GRID2: variants seen among roughly 807,000 people sequenced by gnomAD.
GRID2 encodes glutamate ionotropic receptor delta type subunit 2.
A neutral mutation model predicts 114.8 loss-of-function variants in GRID2; 33 were observed. The observed-to-expected ratio is 0.29, with a 90% CI of 0.22 to 0.38. GRID2 has a LOEUF of 0.38. Among genes scored for constraint, GRID2 ranks in the 10% least tolerant of loss-of-function variants. The pLI, the probability that GRID2 is intolerant of heterozygous loss-of-function variation, is 1.00. For missense variants in GRID2, 1,184 were observed against 1,257.7 expected, an observed-to-expected ratio of 0.94 and a Z score of 0.89; for synonymous variants, 505 against 449.9, an observed-to-expected ratio of 1.12 and a Z score of -1.55.
intron 2 of GRID2, among the ~76,000 whole-genome samples, chr4:92,808,160 G>T (rs1740504807): frequency 6.6e-6 from 1 of 151,924 alleles, no homozygotes; most frequent in South Asian, 2.1e-4. Flanking sequence ...AGGTATGCGG[G>T]TATCACTAGA....
chr4:92,507,275 G>A (rs1459798542), intron 1 of GRID2, among the ~76,000 whole-genome samples: 2 of 151,866 alleles, frequency 1.3e-5, no homozygotes, highest in Admixed American at 6.6e-5. Flanking sequence ...TGAAACTACA[G>A]AGCATATCAC....
At chr4:93,258,725 G>A (rs1749906555) in intron 8 of GRID2, among the ~76,000 whole-genome samples, 1 of 151,734 alleles carries the variant, frequency 6.6e-6, no homozygotes, top group African/African-American at 2.4e-5. Flanking sequence ...TTAAATGACA[G>A]CTTTTAAAAT....
At chr4:92,985,335 TGCCTCAGCCTCA>T (rs1233954196) in intron 2 of GRID2, among the ~76,000 whole-genome samples, 2 of 151,792 alleles carry the variant, frequency 1.3e-5, no homozygotes, top group Non-Finnish European at 2.9e-5. Flanking sequence ...GCCATTCTTC[TGCCTCAGCCTCA>T]GCTGAGGACT....
At chr4:92,828,709 G>A (rs1351445047) in intron 2 of GRID2, among the ~76,000 whole-genome samples, 1 of 151,730 alleles carries the variant, frequency 6.6e-6, no homozygotes, top group African/African-American at 2.4e-5. Context: ...TGTGATTTTG[G>A]TAATGTTAAT....
chr4:92,857,352 G>A (rs1744245841), intron 2 of GRID2, among the ~76,000 whole-genome samples: 1 of 152,198 alleles, frequency 6.6e-6, no homozygotes, highest in South Asian at 2.1e-4. Flanking sequence ...AGTTAGCAAA[G>A]TTGTGAATGT....
chr4:92,822,406 C>T, intron 2 of GRID2: 1 of 574,150 alleles, frequency 1.7e-6, no homozygotes, highest in Non-Finnish European at 3.4e-6. Context: ...GATTCCGTAC[C>T]TTGACCAGCT....
intron 4 of GRID2, among the ~76,000 whole-genome samples, chr4:93,123,213 A>T (rs539304337): frequency 6.6e-6 from 1 of 152,226 alleles, no homozygotes; most frequent in East Asian, 1.9e-4. Context: ...CTATTTAATA[A>T]TTTTTGACTG....
intron 4 of GRID2, among the ~76,000 whole-genome samples, chr4:93,152,934 A>G (rs1233448447): frequency 6.6e-6 from 1 of 152,124 alleles, no homozygotes; most frequent in African/African-American, 2.4e-5. Context: ...GTCCATGTTT[A>G]TCAGTGTTTA....
intron 1 of GRID2, among the ~76,000 whole-genome samples, chr4:92,423,758 A>T (rs1010602382): frequency 1.3e-5 from 2 of 152,100 alleles, no homozygotes; most frequent in Non-Finnish European, 2.9e-5. Context: ...GCAAGAGAGA[A>T]CCAGGGTAGT....
Position 93,564,509 on chromosome 4 carries a change from C to T in GRID2, c.2193+49098C>T, listed in dbSNP as rs535528348. On this transcript the variant is annotated intron_variant, in intron 13 of 15. Coordinates refer to ENST00000282020, the MANE Select transcript of GRID2 (RefSeq NM_001510.4). Reference sequence around the variant, plus strand: ...GTATGACATTTGGCAAGGTAATTGACAGTAGCACTGACTTTATTCTCTTAA... The same window carrying T: ...GTATGACATTTGGCAAGGTAATTGATAGTAGCACTGACTTTATTCTCTTAA... Among the ~76,000 whole-genome samples, 7 of 152,116 alleles carry T rather than the reference C, an allele frequency of 4.6e-5. No homozygotes were observed. The South Asian group carries it at 8.3e-4, about 18-fold the overall frequency.
intron 3 of GRID2, among the ~76,000 whole-genome samples, chr4:93,103,943 C>T (rs574530221): frequency 2.1e-5 from 3 of 141,810 alleles, no homozygotes; most frequent in African/African-American, 7.8e-5. Context: ...TCAGCTTTTA[C>T]TTTAGGTACA....
At chr4:92,898,259 A>G (rs1319873478) in intron 2 of GRID2, among the ~76,000 whole-genome samples, 1 of 152,164 alleles carries the variant, frequency 6.6e-6, no homozygotes, top group Non-Finnish European at 1.5e-5. Flanking sequence ...GAACATAAAC[A>G]TTTAGTCCCT....
At chr4:93,427,603 T>G (rs1343836410) in intron 10 of GRID2, among the ~76,000 whole-genome samples, 1 of 151,990 alleles carries the variant, frequency 6.6e-6, no homozygotes, top group Non-Finnish European at 1.5e-5. Flanking sequence ...ATTCATATGA[T>G]TATTCCACAG....
At chr4:92,316,753 A>G (rs2110118554) in intron 1 of GRID2, among the ~76,000 whole-genome samples, 1 of 152,294 alleles carries the variant, frequency 6.6e-6, no homozygotes, top group Admixed American at 6.5e-5. Context: ...TTTTTATAGT[A>G]GCCTAAAGGT....
At chr4:93,562,079 T>C (rs374792890) in intron 13 of GRID2, among the ~76,000 whole-genome samples, 1 of 152,106 alleles carries the variant, frequency 6.6e-6, no homozygotes, top group African/African-American at 2.4e-5. Context: ...GGTAACAATA[T>C]GTTTAGTAAG....
intron 13 of GRID2, among the ~76,000 whole-genome samples, chr4:93,587,727 A>C (rs578054849): frequency 1.5e-3 from 227 of 152,156 alleles, no homozygotes; most frequent in Non-Finnish European, 2.1e-3. Flanking sequence ...TGGTAAAGAA[A>C]ATTTATTATA....
At chr4:92,584,906 C>A (rs1728355745) in intron 1 of GRID2, among the ~76,000 whole-genome samples, 1 of 151,918 alleles carries the variant, frequency 6.6e-6, no homozygotes, top group Non-Finnish European at 1.5e-5. Flanking sequence ...GTTTGCACTA[C>A]AATTTATGAA....
intron 8 of GRID2, among the ~76,000 whole-genome samples, chr4:93,331,823 G>A (rs1758496026): frequency 6.6e-6 from 1 of 152,082 alleles, no homozygotes; most frequent in Non-Finnish European, 1.5e-5. Context: ...AAAGGGTTCA[G>A]TTAGCAATTA....
intron 2 of GRID2, among the ~76,000 whole-genome samples, 184 bp from the exon 3 acceptor site, chr4:93,084,811 C>T (rs548386689): frequency 6.6e-6 from 1 of 152,298 alleles, no homozygotes; most frequent in African/African-American, 2.4e-5. Flanking sequence ...ATAATAAGAG[C>T]AGAATTCTTG....
Sources: gnomAD v4.1 joint callset for allele counts (sites outside exome capture counted in the v4.1 genomes callset) on GRCh38, gnomAD v4.1.1 for gene constraint, MANE v1.5 for transcripts, NCBI Gene and HGNC (gene_info 2026-07-23, HGNC 2026-07-21) for gene names.